The following DAB2IP variants were observed in gnomAD, a reference collection of about 807,000 sequenced individuals.
DAB2IP encodes disabled homolog 2-interacting protein.
Under a neutral mutation model 107.2 loss-of-function variants are expected in DAB2IP, and 28 were observed. The ratio of observed to expected loss-of-function variants is 0.26; its 90% confidence interval spans 0.19 to 0.36. The LOEUF is 0.36. Among genes scored for constraint, DAB2IP ranks in the 10% least tolerant of loss-of-function variants. DAB2IP has a pLI of 1.00. For missense variants in DAB2IP, 1,400 were observed against 1,644.7 expected, an observed-to-expected ratio of 0.85 and a Z score of 2.57; for synonymous variants, 755 against 706.4, an observed-to-expected ratio of 1.07 and a Z score of -1.09.
At chr9:121,586,806 TA>T (rs902417135) in intron 1 of DAB2IP, among the ~76,000 whole-genome samples, 159 of 139,862 alleles carry the variant, frequency 1.1e-3, no homozygotes, top group Middle Eastern at 3.5e-3. Flanking sequence ...GGTGACAAAG[TA>T]AAAAAAAAAA....
chr9:121,718,210 G>T (rs960336219), intron 3 of DAB2IP, among the ~76,000 whole-genome samples: 1 of 152,164 alleles, frequency 6.6e-6, no homozygotes, highest in Non-Finnish European at 1.5e-5. Context: ...CGCGGCTCCT[G>T]ACTGGCTGCC....
intron 1 of DAB2IP, among the ~76,000 whole-genome samples, chr9:121,603,984 G>T (rs1022845162): frequency 8.5e-5 from 13 of 152,138 alleles, no homozygotes; most frequent in African/African-American, 2.9e-4. Context: ...ACACCTGGGG[G>T]CAGTCCAGAG....
intron 1 of DAB2IP, among the ~76,000 whole-genome samples, chr9:121,641,995 T>TCTCTCTC (rs1832337279): frequency 3.7e-4 from 13 of 35,006 alleles, no homozygotes; most frequent in East Asian, 9.3e-4. Flanking sequence ...TTTCTTTCCT[T>TCTCTCTC]TCTCTCTCTC....
chr9:121,593,113 C>A (rs893964925), intron 1 of DAB2IP, among the ~76,000 whole-genome samples: 2 of 152,182 alleles, frequency 1.3e-5, no homozygotes, highest in Non-Finnish European at 2.9e-5. Context: ...GAGACAGGGT[C>A]TTGTCTGCTG....
chr9:121,608,996 C>T (rs1465940313), intron 1 of DAB2IP, among the ~76,000 whole-genome samples: 1 of 152,202 alleles, frequency 6.6e-6, no homozygotes, highest in East Asian at 1.9e-4. Context: ...GGCTAGAGTG[C>T]AGTGGCGCAA....
In DAB2IP at chr9:121,773,247, C is replaced by T. The variant is rs56200518; in HGVS notation, c.2719C>T (p.Arg907Trp). The T allele has an allele frequency of 8.6e-3, 13,277 of 1,549,520 alleles. 92 individuals are homozygous for T. Among genetic ancestry groups the T allele is most frequent in the Non-Finnish European group, 0.01 (12,008 of 1,148,428 alleles). ...AAAAGGCGGGCAGCCCACGGTGCCACGGCAGAACAGTGCTGGCCCCCAGAG... is the reference window on the plus strand; with the variant it reads ...AAAAGGCGGGCAGCCCACGGTGCCATGGCAGAACAGTGCTGGCCCCCAGAG... Residue 907 changes from arginine to tryptophan, a missense_variant, in exon 12 of 16, where the codon CGG becomes TGG. This residue lies in a region of DAB2IP where 600 missense variants were observed against 659.1 expected (regional missense o/e 0.91). Coordinates refer to ENST00000408936, the Ensembl canonical transcript of DAB2IP.
At chr9:121,751,200 C>G (rs934753886) in intron 3 of DAB2IP, 1 of 171,338 alleles carries the variant, frequency 5.8e-6, no homozygotes. Flanking sequence ...TCCCTGCTGC[C>G]CAGCTGCTGT....
chr9:121,697,967 T>C (rs573945650), intron 2 of DAB2IP, among the ~76,000 whole-genome samples: 3 of 152,326 alleles, frequency 2.0e-5, no homozygotes, highest in African/African-American at 7.2e-5. Flanking sequence ...TGTTTTTCTG[T>C]CATTTTCTGT....
intron 1 of DAB2IP, among the ~76,000 whole-genome samples, chr9:121,636,328 T>A (rs1443366197): frequency 6.6e-6 from 1 of 152,078 alleles, no homozygotes; most frequent in African/African-American, 2.4e-5. Flanking sequence ...CTGCTTTTAT[T>A]CTCCTTTTAG....
intron 1 of DAB2IP, among the ~76,000 whole-genome samples, chr9:121,629,067 G>A (rs1051877029): frequency 1.3e-5 from 2 of 152,194 alleles, no homozygotes; most frequent in African/African-American, 4.8e-5. Flanking sequence ...TGGTGTCTGG[G>A]TGAGGCCAGA....
At chr9:121,737,095 C>A in intron 3 of DAB2IP, 1 of 779,550 alleles carries the variant, frequency 1.3e-6, no homozygotes, top group Non-Finnish European at 1.6e-6. Flanking sequence ...GGGCTTGGGG[C>A]AGGATATGAC....
chr9:121,754,985 C>T lies in DAB2IP; in HGVS notation c.363-2028C>T, dbSNP rs551826694. ...GCTAGGCCAGAAAGCAGCCCAATCC[C>T]AGCCAGTGTGACTTCCCTACTATCA... On this transcript the variant is annotated intron_variant, in intron 3 of 15. Coordinates refer to ENST00000408936, the Ensembl canonical transcript of DAB2IP. 3.7e-4 allele frequency among the ~76,000 whole-genome samples: 56 copies of T among 152,368 alleles called. No individual in the cohort carries two copies. The South Asian group carries it at 0.011, about 30-fold the overall frequency.
chr9:121,759,973 T>C, exon 6 of DAB2IP: 1 of 1,614,218 alleles, frequency 6.2e-7, no homozygotes, highest in South Asian at 1.1e-5. Flanking sequence ...CTGTGCGAGC[T>C]GTGCCTGGAC....
At chr9:121,602,032 C>T (rs1830699242) in intron 1 of DAB2IP, among the ~76,000 whole-genome samples, 1 of 151,994 alleles carries the variant, frequency 6.6e-6, no homozygotes, top group South Asian at 2.1e-4. Context: ...CTTTAAACCA[C>T]CCGCCACTCC....
intron 9 of DAB2IP, among the ~76,000 whole-genome samples, chr9:121,767,448 A>G (rs1314399304): frequency 1.3e-5 from 2 of 152,142 alleles, no homozygotes; most frequent in Non-Finnish European, 2.9e-5. Flanking sequence ...GGGAGAGGAG[A>G]CAGGAAAGCC....
At chr9:121,601,886 T>TTGTGTGTG (rs141368984) in intron 1 of DAB2IP, among the ~76,000 whole-genome samples, 1 of 151,162 alleles carries the variant, frequency 6.6e-6, no homozygotes, top group African/African-American at 2.4e-5. Context: ...ATACATGCCT[T>TTGTGTGTG]TGTGTGTGTG....
intron 1 of DAB2IP, among the ~76,000 whole-genome samples, chr9:121,606,596 G>A (rs1830882107): frequency 6.6e-6 from 1 of 152,030 alleles, no homozygotes; most frequent in African/African-American, 2.4e-5. Context: ...GGCTCAGAGT[G>A]GCTGTTGGAA....
chr9:121,687,095 T>C (rs1358807083), intron 2 of DAB2IP, among the ~76,000 whole-genome samples: 1 of 151,896 alleles, frequency 6.6e-6, no homozygotes, highest in Non-Finnish European at 1.5e-5. Flanking sequence ...CTCCTCCCAG[T>C]GAGTGTTGAA....
chr9:121,604,132 G>T (rs1276267300), intron 1 of DAB2IP, among the ~76,000 whole-genome samples: 1 of 152,074 alleles, frequency 6.6e-6, no homozygotes, highest in South Asian at 2.1e-4. Context: ...AAGGGGGAGC[G>T]TGGGGGCACT....
Sources: allele counts gnomAD v4.1 joint callset (sites outside exome capture counted in the v4.1 genomes callset), GRCh38; gene constraint gnomAD v4.1.1; regional missense constraint gnomAD v4.1.1; transcripts MANE v1.5; gene names NCBI Gene and HGNC (gene_info 2026-07-23, HGNC 2026-07-21).